The following LCMT1 variants were observed in gnomAD, a reference collection of about 807,000 sequenced individuals.
The protein encoded by LCMT1 is leucine carboxyl methyltransferase 1, also known as [Phosphatase 2A protein]-leucine-carboxy methyltransferase 1.
Under a neutral mutation model 47.7 loss-of-function variants are expected in LCMT1, and 32 were observed. The ratio of observed to expected loss-of-function variants is 0.67; its 90% CI spans 0.51 to 0.90. The LOEUF is 0.90. Among genes scored for constraint, LCMT1 ranks in the 40% least tolerant of loss-of-function variants. LCMT1 has a pLI of 0.00. For missense variants in LCMT1, 375 were observed against 415.2 expected, an observed-to-expected ratio of 0.90 and a Z score of 0.84; for synonymous variants, 152 against 149.7, an observed-to-expected ratio of 1.02 and a Z score of -0.11.
intron 4 of LCMT1, chr16:25,142,303 G>A (rs573583986): frequency 2.0e-5 from 3 of 152,334 alleles, no homozygotes; most frequent in African/African-American, 4.8e-5. Context: ...GAGAAAACCC[G>A]GTGGGATTTC....
chr16:25,136,152 C>G (rs1362843940), intron 3 of LCMT1, among the ~76,000 whole-genome samples: 1 of 151,736 alleles, frequency 6.6e-6, no homozygotes, highest in Non-Finnish European at 1.5e-5. Flanking sequence ...TAAGGGGCCT[C>G]CATTTCTTGG....
At chr16:25,169,837 C>G (rs773257412) in intron 8 of LCMT1, among the ~76,000 whole-genome samples, 1 of 152,036 alleles carries the variant, frequency 6.6e-6, no homozygotes, top group Non-Finnish European at 1.5e-5. Context: ...TCCCTTAAAC[C>G]TCTTTGACTC....
At chr16:25,151,692 GTTGGGT>G in intron 5 of LCMT1, 77 bp downstream of exon 5, 3 of 620,200 alleles carry the variant, frequency 4.8e-6, no homozygotes, top group Non-Finnish European at 5.2e-6. Context: ...TGGGGTTTGT[GTTGGGT>G]GTGTGTGTGT....
At chr16:25,165,649 C>T (rs1389529086) in intron 7 of LCMT1, among the ~76,000 whole-genome samples, 1 of 151,952 alleles carries the variant, frequency 6.6e-6, no homozygotes, top group East Asian at 1.9e-4. Context: ...TTCCAAGTAG[C>T]TGGGATCACA....
rs186615813 is a variant in LCMT1, at chr16:25,172,591, A to G, written c.884+1786A>G. On this transcript the variant is annotated intron_variant, in intron 9 of 10. Transcript: ENST00000399069. ...TCTTGCCTTTGGAGACCTAAGATCA[A>G]TAGCCTTTGGTCTCTTACAAGATCA... Among the ~76,000 whole-genome samples, 8 of 152,344 alleles carry G rather than the reference A, an allele frequency of 5.3e-5. No homozygotes were observed. The East Asian group carries it at 1.5e-3, about 29-fold the overall frequency.
At chr16:25,119,233 A>G (rs1385606981) in intron 1 of LCMT1, among the ~76,000 whole-genome samples, 1 of 151,998 alleles carries the variant, frequency 6.6e-6, no homozygotes. Flanking sequence ...GCTTAGCTCA[A>G]ATGTGGCTCA....
intron 10 of LCMT1, among the ~76,000 whole-genome samples, chr16:25,176,422 T>C (rs953522745): frequency 6.6e-6 from 1 of 152,088 alleles, no homozygotes; most frequent in Non-Finnish European, 1.5e-5. Flanking sequence ...AAATTCCAGG[T>C]TGACATGAGA....
intron 7 of LCMT1, among the ~76,000 whole-genome samples, chr16:25,166,980 CAT>C (rs758815435): frequency 5.3e-5 from 8 of 152,244 alleles, no homozygotes; most frequent in Non-Finnish European, 8.8e-5. Context: ...CCATACTCCA[CAT>C]GTTTTGGATT....
chr16:25,113,279 G>A (rs1959686205), intron 1 of LCMT1, among the ~76,000 whole-genome samples: 1 of 152,194 alleles, frequency 6.6e-6, no homozygotes, highest in Admixed American at 6.6e-5. Context: ...AGGCCACGTA[G>A]TGATTGTAGA....
Position 25,111,809 on chromosome 16 carries a change from CGCG to C in LCMT1, c.-74_-72del. On this transcript the variant is annotated 5_prime_UTR_variant, in exon 1 of 11. Coordinates refer to ENST00000399069, the MANE Select transcript of LCMT1 (RefSeq NM_016309.3). ...CTTCTGTTGCTTTCTCCCTGTGGCT[CGCG>C]CCGTCCCCCGCCGCCCGTCGACCCC... The C allele has an allele frequency of 2.0e-6, 2 of 990,278 alleles. No individual in the cohort carries two copies. The allele number at this position is 990,278 out of a possible 1,614,324, so 61.3% of individuals were successfully genotyped here.
intron 1 of LCMT1, 145 bp downstream of exon 1, chr16:25,112,141 A>C: frequency 1.4e-6 from 1 of 707,240 alleles, no homozygotes; most frequent in South Asian, 1.5e-5. Flanking sequence ...TGTGAAGTGC[A>C]CGGAGCAGGG....
At position 25,124,624 on chromosome 16, in the gene LCMT1, G is replaced by A. The variant is rs1172848095; in HGVS notation, c.114-3851G>A. 2.0e-5 allele frequency among the ~76,000 whole-genome samples: 3 copies of A among 152,250 alleles called. No homozygotes were observed. The South Asian group carries it at 6.2e-4, about 32-fold the overall frequency. On this transcript the variant is annotated intron_variant, in intron 1 of 10. Transcript: ENST00000399069. The stretch of plus-strand genomic sequence containing the variant: ...CACCAGGCTTGATCCTTATAGGCCA[G>A]GTGAGCAGGGAGGCCCCTTTTCATT...
intron 9 of LCMT1, among the ~76,000 whole-genome samples, chr16:25,174,171 C>CA (rs1961858423): frequency 6.6e-6 from 1 of 152,232 alleles, no homozygotes; most frequent in Non-Finnish European, 1.5e-5. Flanking sequence ...CATGGCCTCC[C>CA]AAAGTGCTGG....
intron 4 of LCMT1, chr16:25,140,859 CT>C (rs1000771196): frequency 6.6e-6 from 1 of 152,360 alleles, no homozygotes; most frequent in Non-Finnish European, 1.5e-5. Flanking sequence ...GTTCCTAGAA[CT>C]TTAAGTAGAA....
chr16:25,164,244 C>G (rs1961519384), intron 6 of LCMT1, among the ~76,000 whole-genome samples: 1 of 152,090 alleles, frequency 6.6e-6, no homozygotes, highest in African/African-American at 2.4e-5. Context: ...AGCCTAGATT[C>G]CAGGGGTAGA....
intron 1 of LCMT1, among the ~76,000 whole-genome samples, chr16:25,115,233 TTCTC>T (rs1959749412): frequency 6.6e-6 from 1 of 152,260 alleles, no homozygotes; most frequent in African/African-American, 2.4e-5. Context: ...ACCTCAGTGG[TTCTC>T]TCTGTCTTTT....
At chr16:25,123,586 C>A (rs12600303) in intron 1 of LCMT1, among the ~76,000 whole-genome samples, 1 of 145,282 alleles carries the variant, frequency 6.9e-6, no homozygotes, top group Non-Finnish European at 1.5e-5. Flanking sequence ...CTTGACTTCC[C>A]GTTAAATTGC....
At chr16:25,173,135 G>A (rs879814650) in intron 9 of LCMT1, among the ~76,000 whole-genome samples, 12 of 152,214 alleles carry the variant, frequency 7.9e-5, no homozygotes, top group East Asian at 1.9e-4. Flanking sequence ...AGTCTAAGGC[G>A]AGCCTGTTCA....
chr16:25,132,096 C>A, intron 2 of LCMT1: 2 of 432,236 alleles, frequency 4.6e-6, no homozygotes, highest in East Asian at 5.6e-5. Flanking sequence ...AGGCACATTT[C>A]CAAGATGGAC....
Sources: gnomAD v4.1 joint callset for allele counts (sites outside exome capture counted in the v4.1 genomes callset) on GRCh38, gnomAD v4.1.1 for gene constraint, MANE v1.5 for transcripts, NCBI Gene and HGNC (gene_info 2026-07-23, HGNC 2026-07-21) for gene names.